Variants in CFAP58 observed in about 807,000 individuals in gnomAD.
CFAP58 encodes cilia and flagella associated protein 58.
In CFAP58, 88 loss-of-function variants were observed where a neutral mutation model predicts 119.5. The observed-to-expected ratio is 0.74, with a 90% CI of 0.62 to 0.88. The LOEUF is 0.88. Among genes scored for constraint, CFAP58 ranks in the 40% least tolerant of loss-of-function variants. The probability of loss-of-function intolerance (pLI) is 0.00; values close to 1 mark genes in which losing one functional copy is unlikely to be tolerated. For synonymous variants in CFAP58, 365 were observed against 366.3 expected, an observed-to-expected ratio of 1.00 and a Z score of 0.04; for missense variants, 990 against 1,021.2, an observed-to-expected ratio of 0.97 and a Z score of 0.42.
At position 104,425,120 on chromosome 10, in the gene CFAP58, G is replaced by C. The variant is rs75041310; in HGVS notation, c.2256+18327G>C. 7.5e-3 allele frequency among the ~76,000 whole-genome samples: 1,143 copies of C among 152,264 alleles called. 11 individuals carry two copies. The highest frequency in any genetic ancestry group is 0.026 in the African/African-American group (1,086 of 41,530). On this transcript the variant is annotated intron_variant, in intron 15 of 17. Transcript: ENST00000369704. The stretch of plus-strand genomic sequence containing the variant: ...TGAGCTAACTGATTTAAACTGCCTA[G>C]GATAGAGCTAGACACACAGGGTAAG...
chr10:104,358,083 A>ACACACATATATATG (rs2014615606), intron 1 of CFAP58, among the ~76,000 whole-genome samples: 1 of 140,036 alleles, frequency 7.1e-6, no homozygotes, highest in Admixed American at 7.4e-5. Context: ...GTACATATAT[A>ACACACATATATATG]TACACACATA....
chr10:104,393,000 C>T (rs1478300223), intron 10 of CFAP58, among the ~76,000 whole-genome samples: 1 of 152,210 alleles, frequency 6.6e-6, no homozygotes, highest in African/African-American at 2.4e-5. Context: ...GCAGCATACT[C>T]TTGAATTCCA....
At chr10:104,399,274 C>A in intron 11 of CFAP58, 86 bp from the exon 12 acceptor site, 1 of 1,454,290 alleles carries the variant, frequency 6.9e-7, no homozygotes. Context: ...GTAAGAAGCA[C>A]AACTGTACAT....
rs1006606678 is a variant in CFAP58 at position 104,397,697 on chromosome 10, T to C, written c.1675-1663T>C. Among the ~76,000 whole-genome samples the C allele has an allele frequency of 6.6e-5, 10 of 152,306 alleles. No individual in the cohort carries two copies. The South Asian group carries it at 1.7e-3, about 25-fold the overall frequency. On this transcript the variant is annotated intron_variant, in intron 11 of 17. Transcript: ENST00000369704. ...AGCCACTGACAAGTTGAAACCTTAA[T>C]ATTATCTTGTCATCTCCGTTGTGAT... is the stretch of plus-strand genomic sequence containing the variant.
intron 7 of CFAP58, among the ~76,000 whole-genome samples, chr10:104,372,879 C>T (rs904434861): frequency 5.3e-5 from 8 of 152,130 alleles, no homozygotes; most frequent in Non-Finnish European, 8.8e-5. Context: ...TTAGGGATCA[C>T]GTCCTTTTGA....
At chr10:104,432,390 TA>T (rs2133080488) in intron 15 of CFAP58, among the ~76,000 whole-genome samples, 1 of 152,346 alleles carries the variant, frequency 6.6e-6, no homozygotes, top group South Asian at 2.1e-4. Context: ...GTAACCTTAT[TA>T]GTAATCAAAA....
intron 15 of CFAP58, among the ~76,000 whole-genome samples, chr10:104,411,184 C>T (rs1014763601): frequency 2.6e-5 from 4 of 152,218 alleles, no homozygotes; most frequent in Non-Finnish European, 4.4e-5. Flanking sequence ...AAGTGATCTG[C>T]TGGCCTTGGC....
At chr10:104,374,281 A>G (rs1028694585) in intron 7 of CFAP58, among the ~76,000 whole-genome samples, 3 of 151,348 alleles carry the variant, frequency 2.0e-5, no homozygotes, top group Non-Finnish European at 4.4e-5. Flanking sequence ...GCAATATGGC[A>G]AAACCCCATC....
At chr10:104,356,059 G>A (rs1291836851) in intron 1 of CFAP58, among the ~76,000 whole-genome samples, 1 of 152,172 alleles carries the variant, frequency 6.6e-6, no homozygotes. Context: ...CAGCAACACC[G>A]TATTTCCTTA....
intron 1 of CFAP58, 101 bp from the exon 2 acceptor site, chr10:104,358,240 T>C (rs1412472522): frequency 2.3e-5 from 28 of 1,237,128 alleles, no homozygotes; most frequent in Non-Finnish European, 3.0e-5. Context: ...TTAATTTTGC[T>C]CATATGGAGG....
chr10:104,392,131 G>A (rs2012057332), intron 9 of CFAP58, 102 bp from the exon 10 acceptor site: 3 of 963,516 alleles, frequency 3.1e-6, no homozygotes, highest in East Asian at 4.9e-5. Context: ...CTGATTACTG[G>A]CATCTCTACC....
chr10:104,410,411 C>G (rs1345135472), intron 15 of CFAP58, among the ~76,000 whole-genome samples: 1 of 152,144 alleles, frequency 6.6e-6, no homozygotes. Flanking sequence ...GAAGTATATC[C>G]TTTCATAGTT....
intron 15 of CFAP58, among the ~76,000 whole-genome samples, chr10:104,444,843 A>T (rs1268431895): frequency 6.6e-6 from 1 of 152,104 alleles, no homozygotes; most frequent in Non-Finnish European, 1.5e-5. Flanking sequence ...TCTTCTACCC[A>T]CCATGAACAC....
At chr10:104,438,048 C>T (rs1466449025) in intron 15 of CFAP58, among the ~76,000 whole-genome samples, 2 of 152,068 alleles carry the variant, frequency 1.3e-5, no homozygotes, top group Non-Finnish European at 2.9e-5. Flanking sequence ...ATAACTCAAC[C>T]TTATTTTATA....
upstream of CFAP58, among the ~76,000 whole-genome samples, chr10:104,350,252 G>T (rs2014444567): frequency 6.6e-6 from 1 of 152,166 alleles, no homozygotes; most frequent in Non-Finnish European, 1.5e-5. Context: ...AATGAGAAAT[G>T]AGATGAATAG....
chr10:104,444,605 A>G (rs2013085214), intron 15 of CFAP58, among the ~76,000 whole-genome samples: 1 of 152,250 alleles, frequency 6.6e-6, no homozygotes. Flanking sequence ...ATATTTATCT[A>G]AATTACTAGC....
At position 104,447,801 on chromosome 10, in the gene CFAP58, A is replaced by G. The variant is rs2013134156; in HGVS notation, c.2360A>G (p.Lys787Arg). 1.9e-6 allele frequency: 3 copies of G among 1,613,294 alleles called. No homozygotes were observed. The highest frequency in any genetic ancestry group is 2.5e-6 in the Non-Finnish European group (3 of 1,179,520). ...LKLYRRTLHD[K>R]KQQLKVLSSE... ...CTGTACCGACGCACGCTGCATGACA[A>G]GAAGCAGCAGCTGAAAGTAAGTGGT... Residue 787 changes from lysine to arginine, a missense_variant, in exon 16 of 18, where the codon AAG becomes AGG. Coordinates refer to ENST00000369704, the MANE Select transcript of CFAP58 (RefSeq NM_001008723.2).
At chr10:104,339,653 TA>T in the CFAP58 span, among the ~76,000 whole-genome samples, 1 of 152,224 alleles carries the variant, frequency 6.6e-6, no homozygotes, top group African/African-American at 2.4e-5. Flanking sequence ...GTCTGAAAGA[TA>T]AACAGGCAAT....
chr10:104,356,756 G>T (rs28628067), intron 1 of CFAP58, among the ~76,000 whole-genome samples: 1 of 151,974 alleles, frequency 6.6e-6, no homozygotes, highest in Non-Finnish European at 1.5e-5. Flanking sequence ...TTATGATAGG[G>T]ATCAAATTCT....
Sources: gnomAD v4.1 joint callset for allele counts (sites outside exome capture counted in the v4.1 genomes callset) on GRCh38, gnomAD v4.1.1 for gene constraint, MANE v1.5 for transcripts, NCBI Gene and HGNC (gene_info 2026-07-23, HGNC 2026-07-21) for gene names.